The following ITGB5 variants were observed in gnomAD, a reference collection of about 807,000 sequenced individuals.
ITGB5 encodes the protein integrin subunit beta 5, also known as integrin beta-5.
In ITGB5, 38 loss-of-function variants were observed where a neutral mutation model predicts 84.8. The observed-to-expected ratio is 0.45, with a 90% CI of 0.35 to 0.59. The LOEUF (loss-of-function observed/expected upper bound fraction) is 0.59. Among genes scored for constraint, ITGB5 ranks in the 20% least tolerant of loss-of-function variants. ITGB5 has a pLI of 0.01. For synonymous variants in ITGB5, 393 were observed against 414.4 expected, an observed-to-expected ratio of 0.95 and a Z score of 0.63; for missense variants, 905 against 1,034.5, an observed-to-expected ratio of 0.87 and a Z score of 1.72.
intron 8 of ITGB5, among the ~76,000 whole-genome samples, chr3:124,815,993 A>G (rs1326133849): frequency 2.0e-5 from 3 of 152,314 alleles, no homozygotes; most frequent in East Asian, 3.9e-4. Context: ...GGATGTTAGT[A>G]TGTGGGCAAT....
intron 4 of ITGB5, among the ~76,000 whole-genome samples, chr3:124,843,988 G>A (rs542883054): frequency 6.6e-6 from 1 of 152,076 alleles, no homozygotes; most frequent in Non-Finnish European, 1.5e-5. Flanking sequence ...GAATATCATG[G>A]ATCAAGCTGA....
At position 124,887,076 on chromosome 3, in the gene ITGB5, G is replaced by GCGGGGGCCGAGGGC. The variant is rs1934856933; in HGVS notation, c.-90_-77dup. 5 of 595,558 alleles carry GCGGGGGCCGAGGGC rather than the reference G, an allele frequency of 8.4e-6. No individual in the cohort carries two copies. The highest frequency in any genetic ancestry group is 4.1e-5 in the African/African-American group (2 of 49,118). 36.9% of individuals were successfully genotyped at this position (595,558 alleles called of 1,614,324 possible). A position where few individuals can be genotyped will look rare whatever the true frequency, so the allele number is the denominator to read the frequency against. ...CGGCGGCCGGGGCTGGGGCCGGAGC[G>GCGGGGGCCGAGGGC]CGGGGGCCGAGGGCCGGGGGCCGCA... On this transcript the variant is annotated 5_prime_UTR_variant, in exon 1 of 15. The change abolishes the stop of an existing upstream ORF in the 5' untranslated region. Transcript: ENST00000296181.
intron 13 of ITGB5, among the ~76,000 whole-genome samples, chr3:124,765,586 G>A (rs111864221): frequency 1.3e-5 from 2 of 152,318 alleles, no homozygotes; most frequent in African/African-American, 4.8e-5. Context: ...TTTCACGTCT[G>A]TGCTCCTCCA....
chr3:124,774,951 G>A (rs764551633), intron 10 of ITGB5, among the ~76,000 whole-genome samples: 1 of 152,228 alleles, frequency 6.6e-6, no homozygotes, highest in Non-Finnish European at 1.5e-5. Context: ...ATGGTTGATG[G>A]TCACACAGCT....
Position 124,796,744 on chromosome 3 carries a change from G to A in ITGB5, c.1337C>T (p.Pro446Leu), listed in dbSNP as rs543464575. The change falls in exon 10 of 15, where the codon CCG (proline) becomes CTG (leucine). Residue 446 changes from proline to leucine, a missense_variant. Transcript: ENST00000296181. ...CTCCAGGCTGTCCCGGAATCCCACCGGCCGCAGGGCAAACACATGCTCCGT... is the reference window on the plus strand; with the variant it reads ...CTCCAGGCTGTCCCGGAATCCCACCAGCCGCAGGGCAAACACATGCTCCGT... ...RHTEHVFALR[P>L]VGFRDSLEVG... 1.6e-4 allele frequency: 253 copies of A among 1,613,990 alleles called. No homozygotes were observed. Among genetic ancestry groups the A allele is most frequent in the Non-Finnish European group, 2.1e-4 (244 of 1,180,034 alleles).
intron 1 of ITGB5, among the ~76,000 whole-genome samples, chr3:124,876,272 C>G (rs933306851): frequency 6.6e-6 from 1 of 151,376 alleles, no homozygotes; most frequent in East Asian, 1.9e-4. Context: ...TAAATATACA[C>G]AATTATTTGT....
chr3:124,869,144 C>G (rs1047847482), intron 2 of ITGB5, among the ~76,000 whole-genome samples: 2 of 152,154 alleles, frequency 1.3e-5, no homozygotes, highest in African/African-American at 2.4e-5. Flanking sequence ...TGGCCCTCAC[C>G]GGCTGTCTAC....
intron 9 of ITGB5, among the ~76,000 whole-genome samples, chr3:124,798,071 T>TTTTTTTTTTTTTGG: frequency 6.7e-6 from 1 of 149,186 alleles, no homozygotes; most frequent in African/African-American, 2.5e-5. Flanking sequence ...TTTTTTTTTT[T>TTTTTTTTTTTTTGG]GAGGTGGAGT....
rs3836319 is a variant in ITGB5, at chr3:124,851,608, A to AACACACACACAC, written c.362-3062_362-3051dup. 5.8e-4 allele frequency among the ~76,000 whole-genome samples: 85 copies of AACACACACACAC among 146,038 alleles called. 2 individuals carry two copies. Among genetic ancestry groups the AACACACACACAC allele is most frequent in the African/African-American group, 1.8e-3 (72 of 39,830 alleles). ...TCTAAGAGAAATTGATCAGTAAGAA[A>AACACACACACAC]ACACACACACACACACACACACACA... On this transcript the variant is annotated intron_variant, in intron 3 of 14. Transcript: ENST00000296181.
intron 10 of ITGB5, among the ~76,000 whole-genome samples, chr3:124,778,038 G>A (rs987348411): frequency 6.6e-6 from 1 of 152,170 alleles, no homozygotes; most frequent in Non-Finnish European, 1.5e-5. Flanking sequence ...ACAACATCCT[G>A]GCGGACAGTG....
intron 3 of ITGB5, among the ~76,000 whole-genome samples, chr3:124,859,036 T>A (rs1212054130): frequency 6.6e-6 from 1 of 152,188 alleles, no homozygotes; most frequent in Non-Finnish European, 1.5e-5. Flanking sequence ...ATAGCAAAGA[T>A]CTTCCTCTGT....
chr3:124,879,949 A>G (rs1421393425), intron 1 of ITGB5, among the ~76,000 whole-genome samples: 1 of 152,256 alleles, frequency 6.6e-6, no homozygotes, highest in Admixed American at 6.5e-5. Context: ...CTCGCTTGAT[A>G]TGAGTTATAC....
Position 124,866,104 on chromosome 3 carries a change from T to G in ITGB5, c.157-6658A>C, listed in dbSNP as rs140477599. Among the ~76,000 whole-genome samples, 1,317 of 151,676 alleles carry G rather than the reference T, an allele frequency of 8.7e-3. 13 individuals are homozygous for G. The highest frequency in any genetic ancestry group is 0.03 in the African/African-American group (1,226 of 41,510). On this transcript the variant is annotated intron_variant, in intron 2 of 14. Coordinates refer to ENST00000296181, the MANE Select transcript of ITGB5 (RefSeq NM_002213.5). ...TCTGCCTCCTGGGGTCAAGTGATTC[T>G]CATGCCTCAGCCTCCCGAATAGCTG... is the stretch of plus-strand genomic sequence containing the variant.
rs1559962992 is a variant in ITGB5, at chr3:124,841,386, G to A, written c.777C>T (p.Cys259=). 8 of 1,613,646 alleles carry A rather than the reference G, an allele frequency of 5.0e-6. No homozygotes were observed. The highest frequency in any genetic ancestry group is 6.8e-6 in the Non-Finnish European group (8 of 1,179,768). ...GFDAVLQAAV[C]KEKIGWRKDA... is the part of the protein sequence containing the mutation. ...CAGGACCAGAAAGGAAAGTTACCTT[G>A]CAGACGGCTGCCTGGAGTACTGCAT... Residue 259 remains cysteine, a synonymous_variant, in exon 5 of 15, where the codon TGC becomes TGT. Coordinates refer to ENST00000296181, the MANE Select transcript of ITGB5 (RefSeq NM_002213.5).
chr3:124,877,900 G>A (rs1035435376), intron 1 of ITGB5, among the ~76,000 whole-genome samples: 8 of 152,130 alleles, frequency 5.3e-5, no homozygotes, highest in Non-Finnish European at 1.2e-4. Context: ...CTGGACTGCA[G>A]GGGCATGATC....
At chr3:124,785,601 C>A (rs1360032632) in intron 10 of ITGB5, among the ~76,000 whole-genome samples, 28 of 146,238 alleles carry the variant, frequency 1.9e-4, no homozygotes, top group South Asian at 1.1e-3. Context: ...AAAAAAAAAA[C>A]CCCAAAAAAA....
At chr3:124,856,610 A>G (rs1199484640) in intron 3 of ITGB5, among the ~76,000 whole-genome samples, 5 of 152,258 alleles carry the variant, frequency 3.3e-5, no homozygotes, top group Admixed American at 2.0e-4. Flanking sequence ...TGAATAATAC[A>G]GAGGACATAG....
At position 124,779,973 on chromosome 3, in the gene ITGB5, T is replaced by C. The variant is rs368479146; in HGVS notation, c.1694-6061A>G. 6.7e-3 allele frequency among the ~76,000 whole-genome samples: 1,020 copies of C among 152,260 alleles called. 18 individuals carry two copies. The highest frequency in any genetic ancestry group is 0.042 in the South Asian group (203 of 4,818). Reference sequence around the variant, plus strand: ...GCCAGGACTGACAACACCCAGAGCCTGAGGGAGCTGCTCGGCCAGTCTGAG... The same window carrying C: ...GCCAGGACTGACAACACCCAGAGCCCGAGGGAGCTGCTCGGCCAGTCTGAG... On this transcript the variant is annotated intron_variant, in intron 10 of 14. Coordinates refer to ENST00000296181, the MANE Select transcript of ITGB5 (RefSeq NM_002213.5).
At chr3:124,886,880 G>A (rs897530572) in intron 1 of ITGB5, 51 bp downstream of exon 1, 44 of 1,137,806 alleles carry the variant, frequency 3.9e-5, no homozygotes, top group Non-Finnish European at 4.6e-5. Context: ...GCCCGCCCGC[G>A]GCTGAGTGTG....
Sources: gnomAD v4.1 joint callset for allele counts (sites outside exome capture counted in the v4.1 genomes callset) on GRCh38, gnomAD v4.1.1 for gene constraint, MANE v1.5 for transcripts, NCBI Gene and HGNC (gene_info 2026-07-23, HGNC 2026-07-21) for gene names.